Variants in NEDD1 observed in about 807,000 individuals in gnomAD.
NEDD1 encodes the protein protein NEDD1.
In NEDD1, 33 loss-of-function variants were observed where a neutral mutation model predicts 74.0. That is an observed-to-expected ratio of 0.45 (90% CI 0.34 to 0.60). The LOEUF (loss-of-function observed/expected upper bound fraction) is 0.60. Ranked by LOEUF, NEDD1 falls within the 20% of genes least tolerant of loss-of-function variation. NEDD1 has a pLI of 0.01. For synonymous variants in NEDD1, 250 were observed against 264.4 expected, an observed-to-expected ratio of 0.95 and a Z score of 0.53; for missense variants, 746 against 776.5, an observed-to-expected ratio of 0.96 and a Z score of 0.47.
At chr12:96,920,599 A>G (rs1340629012) in intron 6 of NEDD1, among the ~76,000 whole-genome samples, 1 of 152,138 alleles carries the variant, frequency 6.6e-6, no homozygotes, top group Admixed American at 6.5e-5. Flanking sequence ...AAGCTTATAT[A>G]TTTCAGGTTA....
At chr12:96,945,642 T>A in intron 13 of NEDD1, 51 bp from the exon 14 acceptor site, 1 of 1,118,554 alleles carries the variant, frequency 8.9e-7, no homozygotes, top group Non-Finnish European at 1.3e-6. Context: ...AAATGTTTGA[T>A]GTCTCTCAGT....
At chr12:96,919,771 C>A (rs1874860380) in intron 5 of NEDD1, among the ~76,000 whole-genome samples, 1 of 152,280 alleles carries the variant, frequency 6.6e-6, no homozygotes, top group East Asian at 1.9e-4. Flanking sequence ...AGACATAATG[C>A]CATGTAGAAA....
intron 14 of NEDD1, 146 bp downstream of exon 14, chr12:96,945,995 G>C (rs1878161481): frequency 1.5e-5 from 8 of 539,722 alleles, no homozygotes; most frequent in Non-Finnish European, 2.6e-5. Context: ...GAGTTTTGTT[G>C]ATCTTTTCGT....
Position 96,907,652 on chromosome 12 carries a change from C to A in NEDD1, c.-213C>A. On this transcript the variant is annotated 5_prime_UTR_variant, in exon 2 of 16. Transcript: ENST00000266742. Reference sequence around the variant, plus strand: ...TAGCCTCACTTGAGCTGTTGTCCTGCAAGTAAAGTGTATTTTTGGTGATTG... The same window carrying A: ...TAGCCTCACTTGAGCTGTTGTCCTGAAAGTAAAGTGTATTTTTGGTGATTG... 6.4e-7 allele frequency: 1 copy of A among 1,550,818 alleles called. No homozygotes were observed. The highest frequency in any genetic ancestry group is 1.4e-5 in the African/African-American group (1 of 73,160).
rs1274257056 is a variant in NEDD1 at position 96,937,262 on chromosome 12, A to G, written c.986A>G (p.Asn329Ser). Reference sequence around the variant, plus strand: ...GTGAACAAACGAAGTGTTAATGTGAATGCTGCTAGTGGAGGAGTTCAGAAT... The same window carrying G: ...GTGAACAAACGAAGTGTTAATGTGAGTGCTGCTAGTGGAGGAGTTCAGAAT... ...TTVNKRSVNVNAASGGVQNSG... is the reference protein window; with the variant it reads ...TTVNKRSVNVSAASGGVQNSG... The change falls in exon 9 of 16, where the codon AAT becomes AGT. Residue 329 changes from asparagine (N) to serine (S), a missense_variant. Transcript: ENST00000266742. The G allele has an allele frequency of 6.2e-7, 1 of 1,612,924 alleles. No homozygotes were observed. The highest frequency in any genetic ancestry group is 1.7e-5 in the Admixed American group (1 of 59,892).
At chr12:96,938,341 C>T (rs1390761516) in intron 9 of NEDD1, among the ~76,000 whole-genome samples, 1 of 151,926 alleles carries the variant, frequency 6.6e-6, no homozygotes, top group Non-Finnish European at 1.5e-5. Context: ...CTGATATCTA[C>T]TTAAGGAAGA....
intron 6 of NEDD1, among the ~76,000 whole-genome samples, chr12:96,930,302 G>C (rs1876316288): frequency 6.6e-6 from 1 of 151,246 alleles, no homozygotes; most frequent in African/African-American, 2.4e-5. Context: ...TTCTCTAGGA[G>C]AACTCACAGG....
intron 6 of NEDD1, among the ~76,000 whole-genome samples, chr12:96,929,556 TACACACACACACACACACACACAC>T (rs71078436): frequency 2.3e-5 from 3 of 127,802 alleles, no homozygotes; most frequent in Admixed American, 8.3e-5. Context: ...TTTTCATGTA[TACACACACACACACACACACACAC>T]ACACACACAC....
chr12:96,933,084 A>G (rs1458518152), intron 6 of NEDD1, among the ~76,000 whole-genome samples: 1 of 151,974 alleles, frequency 6.6e-6, no homozygotes, highest in Non-Finnish European at 1.5e-5. Flanking sequence ...GTCTTGATCA[A>G]GAATACATTT....
At chr12:96,950,490 A>T (rs1460118073) in intron 14 of NEDD1, among the ~76,000 whole-genome samples, 2 of 151,980 alleles carry the variant, frequency 1.3e-5, no homozygotes, top group Non-Finnish European at 2.9e-5. Context: ...AACAGTCAAA[A>T]TATTAACAGG....
intron 6 of NEDD1, among the ~76,000 whole-genome samples, chr12:96,931,715 A>G (rs2136568637): frequency 6.6e-6 from 1 of 152,324 alleles, no homozygotes; most frequent in Non-Finnish European, 1.5e-5. Context: ...AACAGCTATT[A>G]AAATCAAGTA....
intron 14 of NEDD1, among the ~76,000 whole-genome samples, chr12:96,950,021 A>G (rs772205745): frequency 3.3e-5 from 5 of 152,088 alleles, no homozygotes; most frequent in South Asian, 2.1e-4. Context: ...AATAAGAACT[A>G]TTTATCACAC....
At chr12:96,936,187 C>A (rs1374984268) in intron 7 of NEDD1, among the ~76,000 whole-genome samples, 1 of 152,154 alleles carries the variant, frequency 6.6e-6, no homozygotes, top group African/African-American at 2.4e-5. Context: ...CAGCTGCTCC[C>A]CTGTGAAAGG....
At chr12:96,940,888 C>A (rs1410698747) in intron 10 of NEDD1, among the ~76,000 whole-genome samples, 1 of 152,022 alleles carries the variant, frequency 6.6e-6, no homozygotes, top group East Asian at 1.9e-4. Context: ...GCAAAAAAGT[C>A]TTCCTAATTT....
In NEDD1 at chr12:96,952,374, G is replaced by C. The variant is rs1878790502; in HGVS notation, c.*321G>C. Reference sequence around the variant, plus strand: ...AAAAATTGGTTATGTTTGTTTTTTAGTCATCTTTTTTAACATATATTTTTG... The same window carrying C: ...AAAAATTGGTTATGTTTGTTTTTTACTCATCTTTTTTAACATATATTTTTG... On this transcript the variant is annotated 3_prime_UTR_variant, in exon 16 of 16. Coordinates refer to ENST00000266742, the MANE Select transcript of NEDD1 (RefSeq NM_152905.4). 1 of 165,396 alleles carries C rather than the reference G, an allele frequency of 6.0e-6. No individual in the cohort carries two copies. Among genetic ancestry groups the C allele is most frequent in the South Asian group, 1.9e-4 (1 of 5,220 alleles). 10.2% of individuals were successfully genotyped at this position (165,396 alleles called of 1,614,324 possible).
intron 14 of NEDD1, among the ~76,000 whole-genome samples, chr12:96,948,609 A>C (rs1338093016): frequency 6.6e-6 from 1 of 152,050 alleles, no homozygotes; most frequent in Admixed American, 6.6e-5. Flanking sequence ...TTTTGCACCA[A>C]CCTAATACAT....
intron 12 of NEDD1, 110 bp from the exon 13 acceptor site, chr12:96,944,529 T>C: frequency 1.8e-6 from 1 of 545,156 alleles, no homozygotes; most frequent in Non-Finnish European, 3.1e-6. Flanking sequence ...TTTTCCTTCA[T>C]TTCTATTAAC....
intron 4 of NEDD1, among the ~76,000 whole-genome samples, chr12:96,916,826 T>C (rs1874519278): frequency 6.6e-6 from 1 of 152,178 alleles, no homozygotes; most frequent in African/African-American, 2.4e-5. Context: ...GGATGGAATA[T>C]AGGAGAGCAG....
intron 9 of NEDD1, 117 bp downstream of exon 9, chr12:96,937,510 TACTTAG>T: frequency 2.1e-6 from 1 of 484,518 alleles, no homozygotes; most frequent in Non-Finnish European, 3.6e-6. Flanking sequence ...TTTATTTGAG[TACTTAG>T]GTAAAATTAG....
Sources: gnomAD v4.1 joint callset for allele counts (sites outside exome capture counted in the v4.1 genomes callset) on GRCh38, gnomAD v4.1.1 for gene constraint, MANE v1.5 for transcripts, NCBI Gene and HGNC (gene_info 2026-07-23, HGNC 2026-07-21) for gene names.